Variants in HNMT observed in about 807,000 individuals in gnomAD.
HNMT encodes histamine N-methyltransferase.
Under a neutral mutation model 32.1 loss-of-function variants are expected in HNMT, and 30 were observed. The ratio of observed to expected loss-of-function variants is 0.93; its 90% CI spans 0.70 to 1.27. HNMT has a LOEUF of 1.27. Among genes scored for constraint, HNMT ranks in the 50% most tolerant of loss-of-function variants. The pLI is 0.00. For synonymous variants in HNMT, 125 were observed against 119.0 expected (o/e 1.05, Z -0.33); for missense variants, 327 against 346.0 (o/e 0.95, Z 0.43).
intron 2 of HNMT, among the ~76,000 whole-genome samples, chr2:137,977,913 A>C (rs1430981929): frequency 6.6e-6 from 1 of 151,804 alleles, no homozygotes; most frequent in African/African-American, 2.4e-5. Context: ...TGGATATCCC[A>C]CCTTGCCTCC....
At chr2:138,010,183 A>G (rs1681451194) in intron 5 of HNMT, among the ~76,000 whole-genome samples, 1 of 152,046 alleles carries the variant, frequency 6.6e-6, no homozygotes, top group Non-Finnish European at 1.5e-5. Context: ...AGGGACATTC[A>G]TCTCTGTTCC....
chr2:137,967,974 G>T lies in HNMT; in HGVS notation c.138-2191G>T, dbSNP rs569593745. Among the ~76,000 whole-genome samples, 171 of 152,220 alleles carry T rather than the reference G, an allele frequency of 1.1e-3. 1 individual carries two copies. Among genetic ancestry groups the T allele is most frequent in the Admixed American group, 3.8e-3 (58 of 15,298 alleles). Reference sequence around the variant, plus strand: ...CAATCAAATAATGAGGCACTAAAAGGTAGTCAGATTCTCTTTGTGTAAGTC... The same window carrying T: ...CAATCAAATAATGAGGCACTAAAAGTTAGTCAGATTCTCTTTGTGTAAGTC... On this transcript the variant is annotated intron_variant, in intron 1 of 5. Transcript: ENST00000280097.
intron 1 of HNMT, among the ~76,000 whole-genome samples, chr2:137,965,990 T>C (rs1462421032): frequency 6.6e-6 from 1 of 152,208 alleles, no homozygotes; most frequent in Non-Finnish European, 1.5e-5. Flanking sequence ...CTTATAACAG[T>C]AGTATATAGT....
At chr2:137,988,644 G>A (rs1680724711) in intron 2 of HNMT, 1 of 152,096 alleles carries the variant, frequency 6.6e-6, no homozygotes, top group South Asian at 2.1e-4. Context: ...GGAGGCCAAG[G>A]TAGGCAGATC....
At chr2:137,983,342 C>A (rs1218767831) in intron 2 of HNMT, among the ~76,000 whole-genome samples, 1 of 152,104 alleles carries the variant, frequency 6.6e-6, no homozygotes. Flanking sequence ...TCCATTATAC[C>A]ATTGTTGTAA....
intron 1 of HNMT, chr2:137,967,303 T>C: frequency 1.8e-6 from 1 of 549,102 alleles, no homozygotes; most frequent in Non-Finnish European, 3.2e-6. Context: ...CTCCAGACGC[T>C]GAAGTGGGAA....
chr2:138,002,765 C>A (rs1681213798), intron 4 of HNMT: 9 of 962,858 alleles, frequency 9.3e-6, no homozygotes, highest in Non-Finnish European at 9.9e-6. Context: ...ATTTTTATAT[C>A]ATTGGATGTT....
intron 1 of HNMT, among the ~76,000 whole-genome samples, chr2:137,966,043 G>C (rs114280220): frequency 0.017 from 2,598 of 152,202 alleles, 67 homozygotes; most frequent in African/African-American, 0.059. Flanking sequence ...TTTCCTGAAG[G>C]TAATGTTTGA....
intron 5 of HNMT, among the ~76,000 whole-genome samples, chr2:138,013,546 C>T (rs1226278208): frequency 6.6e-6 from 1 of 152,104 alleles, no homozygotes; most frequent in Non-Finnish European, 1.5e-5. Flanking sequence ...AAACAGCAGC[C>T]CATCAAAGTC....
At chr2:137,965,703 T>C (rs1255752674) in intron 1 of HNMT, among the ~76,000 whole-genome samples, 1 of 152,200 alleles carries the variant, frequency 6.6e-6, no homozygotes, top group African/African-American at 2.4e-5. Flanking sequence ...CTAATTATAG[T>C]TAACCTCTTT....
At chr2:137,964,765 C>G in intron 1 of HNMT, 137 bp downstream of exon 1, 2 of 798,314 alleles carry the variant, frequency 2.5e-6, no homozygotes, top group South Asian at 3.4e-5. Flanking sequence ...CCGTCGTCCC[C>G]TCCTCGCTGC....
intron 2 of HNMT, among the ~76,000 whole-genome samples, chr2:137,973,359 A>T (rs748723102): frequency 1.6e-4 from 25 of 152,174 alleles, no homozygotes; most frequent in Non-Finnish European, 3.4e-4. Flanking sequence ...ATTACTATAC[A>T]GCAAGGAACT....
In HNMT at chr2:138,015,522, TTTG is replaced by T. The variant is rs1393922149; in HGVS notation, c.*1398_*1400del. 2.0e-5 allele frequency: 3 copies of T among 152,230 alleles called. No individual in the cohort carries two copies. Among genetic ancestry groups the T allele is most frequent in the African/African-American group, 7.2e-5 (3 of 41,468 alleles). The allele number at this position is 152,230 out of a possible 1,614,324, so 9.4% of individuals were successfully genotyped here. On this transcript the variant is annotated 3_prime_UTR_variant, in exon 6 of 6. Coordinates refer to ENST00000280097, the MANE Select transcript of HNMT (RefSeq NM_006895.3). ...TATTTACACTAATAAACTACCAAGC[TTTG>T]TTGTTCATAATAAGTAAAATGGACT... is the stretch of plus-strand genomic sequence containing the variant.
chr2:137,977,490 A>G (rs930965689), intron 2 of HNMT, among the ~76,000 whole-genome samples: 2 of 152,126 alleles, frequency 1.3e-5, no homozygotes, highest in Admixed American at 6.5e-5. Context: ...AGGGATTGAG[A>G]TCAATTCCTT....
At chr2:137,980,620 T>C (rs1680463462) in intron 2 of HNMT, among the ~76,000 whole-genome samples, 1 of 152,192 alleles carries the variant, frequency 6.6e-6, no homozygotes, top group Non-Finnish European at 1.5e-5. Context: ...GTAGAACATT[T>C]TGGTTGCATG....
intron 5 of HNMT, among the ~76,000 whole-genome samples, chr2:138,006,517 A>G (rs574993124): frequency 6.6e-6 from 1 of 152,144 alleles, no homozygotes; most frequent in South Asian, 2.1e-4. Context: ...TTCTATAAGT[A>G]TATATTACCA....
chr2:137,966,300 T>G (rs1444900912), intron 1 of HNMT, among the ~76,000 whole-genome samples: 1 of 152,170 alleles, frequency 6.6e-6, no homozygotes, highest in Admixed American at 6.5e-5. Context: ...ACCCACTCCA[T>G]TCTTGATTCC....
chr2:137,976,158 C>A (rs543703948), intron 2 of HNMT, among the ~76,000 whole-genome samples: 1 of 151,074 alleles, frequency 6.6e-6, no homozygotes, highest in South Asian at 2.1e-4. Flanking sequence ...CCCAGCTACT[C>A]GGGAGGCTGA....
chr2:137,986,821 T>G (rs1335940383), intron 2 of HNMT, among the ~76,000 whole-genome samples: 1 of 152,254 alleles, frequency 6.6e-6, no homozygotes, highest in Non-Finnish European at 1.5e-5. Flanking sequence ...GGTGCATATC[T>G]TTCTAAACAT....
Sources: allele counts gnomAD v4.1 joint callset (sites outside exome capture counted in the v4.1 genomes callset), GRCh38; gene constraint gnomAD v4.1.1; transcripts MANE v1.5; gene names NCBI Gene and HGNC (gene_info 2026-07-23, HGNC 2026-07-21).